The following NLRP12 variants were observed in gnomAD, a reference collection of about 807,000 sequenced individuals.
The protein encoded by NLRP12 is NACHT, LRR and PYD domains-containing protein 12.
NLRP12 carries 108 observed loss-of-function variants against 91.2 expected under a neutral mutation model. The ratio of observed to expected loss-of-function variants is 1.18; its 90% CI spans 1.01 to 1.39. NLRP12 has a LOEUF of 1.39. Among genes scored for constraint, NLRP12 ranks in the 40% most tolerant of loss-of-function variants. The pLI, the probability that NLRP12 is intolerant of heterozygous loss-of-function variation, is 0.00. For synonymous variants in NLRP12, 613 were observed against 566.7 expected (o/e 1.08, Z -1.16); for missense variants, 1,530 against 1,352.7 (o/e 1.13, Z -2.06).
chr19:53,796,626 C>T (rs1307054228), intron 8 of NLRP12, among the ~76,000 whole-genome samples: 1 of 152,076 alleles, frequency 6.6e-6, no homozygotes, highest in African/African-American at 2.4e-5. Flanking sequence ...TCAAGTGATC[C>T]ACCAACCTTG....
intron 1 of NLRP12, among the ~76,000 whole-genome samples, chr19:53,823,389 ATTTTAAATATATATTTAAAATATATG>A (rs1466538997): frequency 7.3e-5 from 9 of 122,882 alleles, no homozygotes; most frequent in African/African-American, 2.8e-4. Flanking sequence ...TTATATACAT[ATTTTAAATATATATTTAAAATATATG>A]TTTTAAATAT....
At chr19:53,802,995 T>G (rs1276774685) in intron 6 of NLRP12, among the ~76,000 whole-genome samples, 1 of 152,090 alleles carries the variant, frequency 6.6e-6, no homozygotes, top group Non-Finnish European at 1.5e-5. Flanking sequence ...GCCATTCTCC[T>G]GCCTTGGCCT....
chr19:53,814,234 G>A (rs1324120257), intron 2 of NLRP12, among the ~76,000 whole-genome samples: 1 of 152,194 alleles, frequency 6.6e-6, no homozygotes, highest in Non-Finnish European at 1.5e-5. Flanking sequence ...TCAGTCATGA[G>A]TAACCTCGTT....
intron 6 of NLRP12, 96 bp downstream of exon 6, chr19:53,803,856 G>C: frequency 7.9e-7 from 1 of 1,259,200 alleles, no homozygotes; most frequent in South Asian, 1.2e-5. Flanking sequence ...TTACAGGCGT[G>C]AGCCACTGCG....
intron 8 of NLRP12, among the ~76,000 whole-genome samples, chr19:53,797,917 T>A (rs1376188159): frequency 6.8e-6 from 1 of 147,068 alleles, no homozygotes; most frequent in Non-Finnish European, 1.5e-5. Flanking sequence ...TTTTTTGTAT[T>A]TAGTAGAGAC....
intron 7 of NLRP12, 84 bp downstream of exon 7, chr19:53,801,143 G>GAC: frequency 8.1e-7 from 1 of 1,233,964 alleles, no homozygotes; most frequent in Non-Finnish European, 1.2e-6. Flanking sequence ...TAGGAGCAGA[G>GAC]ACAACCTGGC....
At position 53,807,519 on chromosome 19, in the gene NLRP12, G is replaced by A. The variant is rs770328920; in HGVS notation, c.2219C>T (p.Pro740Leu). ...VKLLCQGLRH[P>L]NCKLQNLRLK... Reference sequence around the variant, plus strand: ...CCTCAGGTTCTGAAGTTTGCAGTTGGGGTGTCTGAGTCCTTGACAGAGCAG... The same window carrying A: ...CCTCAGGTTCTGAAGTTTGCAGTTGAGGTGTCTGAGTCCTTGACAGAGCAG... The change falls in exon 4 of 10, where the codon CCC becomes CTC. Residue 740 changes from proline to leucine, a missense_variant. Coordinates refer to ENST00000324134, the MANE Select transcript of NLRP12 (RefSeq NM_144687.4). The A allele has an allele frequency of 3.7e-6, 6 of 1,613,936 alleles. No homozygotes were observed. The highest frequency in any genetic ancestry group is 5.1e-6 in the Non-Finnish European group (6 of 1,179,988).
Position 53,810,567 on chromosome 19 carries a change from GC to G in NLRP12, c.1091del (p.Gly364AlafsTer28), listed in dbSNP as rs757512706. 2 of 1,613,988 alleles carry G rather than the reference GC, an allele frequency of 1.2e-6. No individual in the cohort carries two copies. Among genetic ancestry groups the G allele is most frequent in the South Asian group, 2.2e-5 (2 of 91,076 alleles). On this transcript the variant is annotated frameshift_variant, in exon 3 of 10. Transcript: ENST00000324134. LOFTEE classifies it high-confidence loss of function. The stretch of plus-strand genomic sequence containing the variant: ...ATTCCTTCCTTTCTGCCTCAGAGAA[GC>G]CCAGGATCTCCACATGCCTGGGGTG... ...LEHPRHVEIL[G>X]FSEAERKEYF...
At chr19:53,806,701 AAAAG>A (rs1191762999) in intron 4 of NLRP12, among the ~76,000 whole-genome samples, 18 of 147,838 alleles carry the variant, frequency 1.2e-4, no homozygotes, top group Non-Finnish European at 2.2e-4. Flanking sequence ...AAAAAAAAAA[AAAAG>A]AAATTAGCCG....
In NLRP12 at chr19:53,809,807, A is replaced by G; in HGVS notation, c.1852T>C (p.Tyr618His). The G allele has an allele frequency of 2.5e-6, 4 of 1,614,086 alleles. No individual in the cohort carries two copies. The highest frequency in any genetic ancestry group is 4.5e-5 in the East Asian group (2 of 44,854). The stretch of plus-strand genomic sequence containing the variant: ...ATAAACTCCTCCTCCTGGATCTCGT[A>G]CAAGCAGCTGAAGAACTCCAAGGAG... ...QGSLEFFSCL[Y>H]EIQEEEFIQQ... The change falls in exon 3 of 10, where the codon TAC becomes CAC. Residue 618 changes from tyrosine to histidine, a missense_variant. By Grantham distance (83) the Tyr-to-His change is moderately conservative. Coordinates refer to ENST00000324134, the MANE Select transcript of NLRP12 (RefSeq NM_144687.4).
Position 53,809,717 on chromosome 19 carries a change from T to C in NLRP12, c.1942A>G (p.Met648Val). ...CGCTTCAGACAGAACGAGGAGACCA[T>C]GTGCTCCATCTTGGAGGCAATGTTG... ...VSNIASKMEH[M>V]VSSFCLKRCR... Residue 648 changes from methionine (M) to valine (V), a missense_variant, in exon 3 of 10, where the codon ATG (methionine) becomes GTG (valine). Met to Val is a conservative substitution (Grantham distance 21). Transcript: ENST00000324134. 6.2e-7 allele frequency: 1 copy of C among 1,614,082 alleles called. No homozygotes were observed. The highest frequency in any genetic ancestry group is 8.5e-7 in the Non-Finnish European group (1 of 1,180,010).
At chr19:53,802,794 G>A (rs1460889090) in intron 6 of NLRP12, among the ~76,000 whole-genome samples, 2 of 152,034 alleles carry the variant, frequency 1.3e-5, no homozygotes, top group Non-Finnish European at 2.9e-5. Context: ...TTTTATTAGG[G>A]ACAGGGTCTC....
intron 8 of NLRP12, 26 bp downstream of exon 8, chr19:53,798,217 C>T (rs1175154915): frequency 3.7e-6 from 6 of 1,613,632 alleles, no homozygotes; most frequent in Admixed American, 3.3e-5. Context: ...GTGACCACTG[C>T]CACCCCGTCA....
At position 53,810,350 on chromosome 19, in the gene NLRP12, G is replaced by A; in HGVS notation, c.1309C>T (p.Leu437Phe). The change falls in exon 3 of 10, where the codon CTC becomes TTC. Residue 437 changes from leucine to phenylalanine, a missense_variant. Transcript: ENST00000324134. ...TSRTTTAVYM[L>F]YLLSLMQPKP... is the part of the protein sequence containing the mutation. Reference sequence around the variant, plus strand: ...GGTTGCATCAGACTCAGCAGGTAGAGCATGTACACTGCAGTGGTGGTCCTG... The same window carrying A: ...GGTTGCATCAGACTCAGCAGGTAGAACATGTACACTGCAGTGGTGGTCCTG... 1 of 1,613,548 alleles carries A rather than the reference G, an allele frequency of 6.2e-7. No homozygotes were observed.
chr19:53,814,435 C>T (rs1005724884), intron 2 of NLRP12, among the ~76,000 whole-genome samples: 1 of 152,132 alleles, frequency 6.6e-6, no homozygotes, highest in Non-Finnish European at 1.5e-5. Flanking sequence ...TCACTGCAAC[C>T]TCTACCTCCC....
intron 6 of NLRP12, among the ~76,000 whole-genome samples, chr19:53,802,057 G>A (rs912646681): frequency 8.6e-5 from 13 of 151,784 alleles, no homozygotes; most frequent in African/African-American, 2.7e-4. Flanking sequence ...GTGAAACCCC[G>A]TCTCTACTAA....
Position 53,814,892 on chromosome 19 carries a change from A to C in NLRP12, c.370+16T>G. The C allele has an allele frequency of 6.2e-7, 1 of 1,607,966 alleles. No individual in the cohort carries two copies. The highest frequency in any genetic ancestry group is 8.5e-7 in the Non-Finnish European group (1 of 1,174,414). On this transcript the variant is annotated intron_variant, in intron 2 of 9. Transcript: ENST00000324134. Reference sequence around the variant, plus strand: ...TGTGTAGATGAATACATGTAGGTACATGGCTTGAGGCTCACCTTTTCTTGG... The same window carrying C: ...TGTGTAGATGAATACATGTAGGTACCTGGCTTGAGGCTCACCTTTTCTTGG...
Position 53,795,760 on chromosome 19 carries a change from C to T in NLRP12, c.3098+99G>A, listed in dbSNP as rs2042296. ...CATCTGTATGCCCCCTAATTGCATA[C>T]ACCAGTGCATAACGTATTTGTCCAT... On this transcript the variant is annotated intron_variant, in intron 9 of 9. Transcript: ENST00000324134. The T allele has an allele frequency of 0.53, 533,625 of 1,015,286 alleles. 142,668 individuals are homozygous for T. The highest frequency in any genetic ancestry group is 0.63 in the South Asian group (46,518 of 73,888). 62.9% of individuals were successfully genotyped at this position (1,015,286 alleles called of 1,614,324 possible).
intron 5 of NLRP12, among the ~76,000 whole-genome samples, chr19:53,804,749 C>G (rs894001398): frequency 6.6e-6 from 1 of 150,414 alleles, no homozygotes; most frequent in Non-Finnish European, 1.5e-5. Flanking sequence ...TTTTGTAGGT[C>G]GAGTGCAGTG....
Sources: allele counts gnomAD v4.1 joint callset (sites outside exome capture counted in the v4.1 genomes callset), GRCh38; gene constraint gnomAD v4.1.1; transcripts MANE v1.5; gene names NCBI Gene and HGNC (gene_info 2026-07-23, HGNC 2026-07-21).